Variants in SLC6A16 observed in about 807,000 individuals in gnomAD.
The protein encoded by SLC6A16 is solute carrier family 6 member 16, also known as orphan sodium- and chloride-dependent neurotransmitter transporter NTT5.
In SLC6A16, 54 loss-of-function variants were observed where a neutral mutation model predicts 65.4. The ratio of observed to expected loss-of-function variants is 0.83; its 90% CI spans 0.66 to 1.04. The LOEUF (loss-of-function observed/expected upper bound fraction) is 1.04, where lower values mean the gene tolerates loss of function less well. Ranked by LOEUF, SLC6A16 falls within the 50% of genes least tolerant of loss-of-function variation. SLC6A16 has a pLI of 0.00. For synonymous variants in SLC6A16, 330 were observed against 346.5 expected, an observed-to-expected ratio of 0.95 and a Z score of 0.53; for missense variants, 816 against 914.0, an observed-to-expected ratio of 0.89 and a Z score of 1.38.
chr19:49,332,602 T>A, the SLC6A16 span, among the ~76,000 whole-genome samples: 1 of 152,034 alleles, frequency 6.6e-6, no homozygotes, highest in Non-Finnish European at 1.5e-5. Context: ...GATTTAGGGG[T>A]CACACAGATA....
intron 7 of SLC6A16, among the ~76,000 whole-genome samples, chr19:49,300,546 A>G (rs1452669711): frequency 6.6e-6 from 1 of 152,024 alleles, no homozygotes; most frequent in African/African-American, 2.4e-5. Flanking sequence ...CTTCCAGACT[A>G]GTGGAGGAAA....
chr19:49,301,086 T>G (rs1970282467), intron 7 of SLC6A16, among the ~76,000 whole-genome samples: 1 of 151,990 alleles, frequency 6.6e-6, no homozygotes, highest in African/African-American at 2.4e-5. Context: ...TAAAAATTAC[T>G]CTGGAAGAAT....
intron 7 of SLC6A16, among the ~76,000 whole-genome samples, chr19:49,296,021 G>A (rs938369685): frequency 1.3e-5 from 2 of 151,894 alleles, no homozygotes; most frequent in Non-Finnish European, 2.9e-5. Flanking sequence ...ATGGAGCCTC[G>A]CTCTGTCGCC....
intron 10 of SLC6A16, 155 bp downstream of exon 10, chr19:49,293,068 T>C: frequency 3.2e-6 from 2 of 634,398 alleles, no homozygotes; most frequent in Non-Finnish European, 5.3e-6. Flanking sequence ...AAAATATATG[T>C]GAAAATGGAT....
chr19:49,333,030 T>C, the SLC6A16 span, among the ~76,000 whole-genome samples: 2 of 149,058 alleles, frequency 1.3e-5, no homozygotes, highest in Non-Finnish European at 3.0e-5. Flanking sequence ...GGTATGGTGG[T>C]GCATGCCTGT....
Position 49,293,393 on chromosome 19 carries a change from C to T in SLC6A16, c.1619-11G>A, listed in dbSNP as rs773094062. 1.2e-6 allele frequency: 2 copies of T among 1,613,794 alleles called. No homozygotes were observed. The highest frequency in any genetic ancestry group is 1.1e-5 in the South Asian group (1 of 91,064). ...GCAAAAAGACTCCCACTGGAGAAAACATGAGATCTGGATCAAGGTTAGAAG... is the reference window on the plus strand; with the variant it reads ...GCAAAAAGACTCCCACTGGAGAAAATATGAGATCTGGATCAAGGTTAGAAG... On this transcript the variant is annotated splice_polypyrimidine_tract_variant and intron_variant, in intron 9 of 11. Coordinates refer to ENST00000335875, the MANE Select transcript of SLC6A16 (RefSeq NM_014037.3).
Position 49,311,155 on chromosome 19 carries a change from G to A in SLC6A16, c.193C>T (p.Gln65Ter). 1 of 1,614,180 alleles carries A rather than the reference G, an allele frequency of 6.2e-7. No homozygotes were observed. Among genetic ancestry groups the A allele is most frequent in the Non-Finnish European group, 8.5e-7 (1 of 1,180,042 alleles). ...RVAEAQARTS[Q>*]PKQISVLEAL... ...TCCAATACAGAAATTTGCTTGGGCT[G>A]ACTGGTCCTGGCCTGAGCCTCTGCA... The change falls in exon 2 of 12, where the codon CAG (glutamine) becomes TAG (stop). Residue 65 changes from glutamine (Q) to a stop codon, truncating the protein, a stop_gained. Coordinates refer to ENST00000335875, the MANE Select transcript of SLC6A16 (RefSeq NM_014037.3). LOFTEE classifies it high-confidence loss of function.
chr19:49,294,492 G>C lies in SLC6A16; in HGVS notation c.1291C>G (p.Pro431Ala). 1 of 1,614,008 alleles carries C rather than the reference G, an allele frequency of 6.2e-7. No homozygotes were observed. Among genetic ancestry groups the C allele is most frequent in the Non-Finnish European group, 8.5e-7 (1 of 1,179,980 alleles). ...LGKLPPDAKP[P>A]VNLLYNPTSI... Reference sequence around the variant, plus strand: ...GTTGGGTTGTAAAGCAGGTTGACAGGGGGCTTGGCATCAGGAGGCAGTTTC... The same window carrying C: ...GTTGGGTTGTAAAGCAGGTTGACAGCGGGCTTGGCATCAGGAGGCAGTTTC... Residue 431 changes from proline to alanine, a missense_variant, in exon 8 of 12, where the codon CCT becomes GCT. Physicochemically the swap from Pro to Ala is conservative, Grantham distance 27 (BLOSUM62 -1). Transcript: ENST00000335875.
chr19:49,296,945 T>A lies in SLC6A16; in HGVS notation c.1230-2392A>T, dbSNP rs535582870. Among the ~76,000 whole-genome samples, 2 of 152,210 alleles carry A rather than the reference T, an allele frequency of 1.3e-5. 1 individual carries two copies. Among genetic ancestry groups the A allele is most frequent in the South Asian group, 4.1e-4 (2 of 4,826 alleles). On this transcript the variant is annotated intron_variant, in intron 7 of 11. Coordinates refer to ENST00000335875, the MANE Select transcript of SLC6A16 (RefSeq NM_014037.3). ...CAGAGGCTGCAGTGAGCCAAGATCG[T>A]GCCACTGCACTCCAGCCTGGGCAAC...
intron 1 of SLC6A16, among the ~76,000 whole-genome samples, chr19:49,315,797 C>CA (rs11424439): frequency 0.69 from 102,919 of 149,622 alleles, 35,459 homozygotes; most frequent in East Asian, 0.83. Flanking sequence ...TGGTGTCTCT[C>CA]AAAAAAAAAA....
chr19:49,294,629 A>C (rs1224499133), intron 7 of SLC6A16, 76 bp from the exon 8 acceptor site: 1 of 1,321,440 alleles, frequency 7.6e-7, no homozygotes, highest in Non-Finnish European at 1.0e-6. Flanking sequence ...TATCTTCAAG[A>C]TAAAAAAGGC....
chr19:49,333,093 C>T, the SLC6A16 span, among the ~76,000 whole-genome samples: 1 of 152,140 alleles, frequency 6.6e-6, no homozygotes, highest in South Asian at 2.1e-4. Context: ...ACGCAGGAGG[C>T]AGAGGTTGCA....
chr19:49,339,437 G>A, the SLC6A16 span: 2 of 1,604,112 alleles, frequency 1.2e-6, no homozygotes, highest in African/African-American at 1.3e-5. The surrounding 1 kb of genome is among the most constrained non-coding windows in gnomAD (Gnocchi z 4.5). Context: ...GCCCCCACCC[G>A]CGATCGGCCC....
the SLC6A16 span, among the ~76,000 whole-genome samples, chr19:49,334,138 C>G: frequency 1.3e-5 from 2 of 152,208 alleles, no homozygotes; most frequent in African/African-American, 4.8e-5. Context: ...TGGTCCAGAA[C>G]AGGCTGCAGA....
chr19:49,339,481 G>T, the SLC6A16 span: 1 of 1,558,138 alleles, frequency 6.4e-7, no homozygotes, highest in Non-Finnish European at 8.8e-7. This position sits in a 1 kb window ranked among gnomAD's most constrained non-coding sequence, Gnocchi z 4.5. Context: ...TTCATTTCGC[G>T]TCCTTCGGTT....
intron 1 of SLC6A16, chr19:49,312,552 C>T (rs1790864447): frequency 1.0e-6 from 1 of 984,978 alleles, no homozygotes; most frequent in Non-Finnish European, 1.2e-6. Context: ...TCTCCAAGTT[C>T]CCGCCACTCT....
chr19:49,298,891 T>G (rs945055745), intron 7 of SLC6A16, among the ~76,000 whole-genome samples: 1 of 152,046 alleles, frequency 6.6e-6, no homozygotes, highest in South Asian at 2.1e-4. Context: ...AAGAACAAAA[T>G]CATGTCCTTT....
At chr19:49,299,284 G>A (rs755979285) in intron 7 of SLC6A16, among the ~76,000 whole-genome samples, 8 of 150,158 alleles carry the variant, frequency 5.3e-5, no homozygotes, top group Non-Finnish European at 1.2e-4. Flanking sequence ...TGCCAGAAGC[G>A]GGCTCATGCC....
chr19:49,335,495 C>T, the SLC6A16 span: 1 of 1,356,914 alleles, frequency 7.4e-7, no homozygotes, highest in South Asian at 1.2e-5. The surrounding 1 kb of genome is among the most constrained non-coding windows in gnomAD (Gnocchi z 4.6). Flanking sequence ...CCACTGTCAG[C>T]ACCTCTTCTG....
Sources: gnomAD v4.1 joint callset for allele counts (sites outside exome capture counted in the v4.1 genomes callset) on GRCh38, gnomAD v4.1.1 for gene constraint, Gnocchi (gnomAD v3.1) non-coding constraint, MANE v1.5 for transcripts, NCBI Gene and HGNC (gene_info 2026-07-23, HGNC 2026-07-21) for gene names.